The following LRCH1 variants were observed in gnomAD, a reference collection of about 807,000 sequenced individuals.
The protein encoded by LRCH1 is leucine rich repeats and calponin homology domain containing 1, also known as leucine-rich repeat and calponin homology domain-containing protein 1.
LRCH1 carries 23 observed loss-of-function variants against 94.9 expected under a neutral mutation model. The ratio of observed to expected loss-of-function variants is 0.24; its 90% CI spans 0.17 to 0.34. LRCH1 has a LOEUF of 0.34. LRCH1 is among the 10% of genes least tolerant of loss of function. LRCH1 has a pLI of 1.00. For synonymous variants in LRCH1, 364 were observed against 354.9 expected, an observed-to-expected ratio of 1.03 and a Z score of -0.29; for missense variants, 790 against 945.9, an observed-to-expected ratio of 0.84 and a Z score of 2.16.
At chr13:46,575,698 T>C (rs1162988906) in intron 1 of LRCH1, among the ~76,000 whole-genome samples, 1 of 152,178 alleles carries the variant, frequency 6.6e-6, no homozygotes, top group Non-Finnish European at 1.5e-5. Flanking sequence ...GCAAGATCAG[T>C]GTGTGCTCAT....
intron 2 of LRCH1, among the ~76,000 whole-genome samples, chr13:46,667,282 C>T (rs2051529819): frequency 6.6e-6 from 1 of 152,100 alleles, no homozygotes; most frequent in African/African-American, 2.4e-5. Flanking sequence ...AAGGTTCTTT[C>T]CACAGCACAG....
chr13:46,585,636 G>T (rs2050426920), intron 1 of LRCH1, among the ~76,000 whole-genome samples: 1 of 151,354 alleles, frequency 6.6e-6, no homozygotes, highest in African/African-American at 2.4e-5. Context: ...GAAGCTAGTT[G>T]TCCTGAATAT....
intron 2 of LRCH1, among the ~76,000 whole-genome samples, chr13:46,666,715 A>G (rs1255092589): frequency 6.6e-6 from 1 of 152,246 alleles, no homozygotes; most frequent in African/African-American, 2.4e-5. Flanking sequence ...ATATTTTATA[A>G]CCACAAGTTA....
At chr13:46,731,564 A>G (rs957410879) in intron 18 of LRCH1, among the ~76,000 whole-genome samples, 1 of 152,198 alleles carries the variant, frequency 6.6e-6, no homozygotes, top group Non-Finnish European at 1.5e-5. Flanking sequence ...TTTACTGACT[A>G]TAACATATTT....
At chr13:46,591,554 G>A (rs1315760130) in intron 1 of LRCH1, among the ~76,000 whole-genome samples, 1 of 152,224 alleles carries the variant, frequency 6.6e-6, no homozygotes, top group Non-Finnish European at 1.5e-5. Context: ...TTCAGTGAGA[G>A]CTTGAGGGTA....
At chr13:46,739,024 A>C (rs1873524571) in intron 19 of LRCH1, among the ~76,000 whole-genome samples, 1 of 152,234 alleles carries the variant, frequency 6.6e-6, no homozygotes, top group Non-Finnish European at 1.5e-5. Context: ...ATGATATTTT[A>C]GATTAAAAAA....
At chr13:46,623,693 G>GTTTTTTTTTTTTTTTTTTTTTTTTT (rs5803361) in intron 1 of LRCH1, among the ~76,000 whole-genome samples, 28 of 128,468 alleles carry the variant, frequency 2.2e-4, no homozygotes, top group Non-Finnish European at 2.2e-4. Context: ...CCCTGTCTCT[G>GTTTTTTTTTTTTTTTTTTTTTTTTT]TTTTTTTTTT....
chr13:46,726,659 G>A (rs1167799930), intron 17 of LRCH1, among the ~76,000 whole-genome samples: 1 of 152,004 alleles, frequency 6.6e-6, no homozygotes, highest in East Asian at 1.9e-4. Flanking sequence ...ATCCCCACTG[G>A]TCAGTAAGGA....
intron 3 of LRCH1, among the ~76,000 whole-genome samples, chr13:46,674,493 C>G (rs1013062171): frequency 6.6e-6 from 1 of 152,132 alleles, no homozygotes; most frequent in Admixed American, 6.5e-5. Context: ...TGGAGCTGGC[C>G]CCTCCAGGGT....
chr13:46,607,608 C>A (rs2050702122), intron 1 of LRCH1, among the ~76,000 whole-genome samples: 1 of 151,662 alleles, frequency 6.6e-6, no homozygotes, highest in South Asian at 2.1e-4. Context: ...CCTTCTCCTT[C>A]TCCTTCTCTT....
intron 5 of LRCH1, 52 bp downstream of exon 5, chr13:46,686,093 A>C: frequency 7.2e-7 from 1 of 1,392,110 alleles, no homozygotes; most frequent in Non-Finnish European, 9.4e-7. Context: ...CTGTTATAGG[A>C]GCCAAGGGAA....
At chr13:46,607,720 A>G (rs1328981891) in intron 1 of LRCH1, among the ~76,000 whole-genome samples, 2 of 151,598 alleles carry the variant, frequency 1.3e-5, no homozygotes, top group Non-Finnish European at 2.9e-5. Flanking sequence ...AAAGTGTAAT[A>G]TAAAATCTGA....
chr13:46,713,395 A>C (rs1872169319), intron 15 of LRCH1, among the ~76,000 whole-genome samples: 1 of 152,252 alleles, frequency 6.6e-6, no homozygotes, highest in African/African-American at 2.4e-5. Flanking sequence ...TAGAGAACTC[A>C]GATGTTCTTG....
In LRCH1 at chr13:46,656,396, T is replaced by G. The variant is rs548850897; in HGVS notation, c.452+6051T>G. The stretch of plus-strand genomic sequence containing the variant: ...AAACTGGAAAGGAGGAGGAGTTTTG[T>G]TCAATTCGATAAAAATGTGTATCCC... On this transcript the variant is annotated intron_variant, in intron 2 of 19. Coordinates refer to ENST00000389797, the MANE Select transcript of LRCH1 (RefSeq NM_001164211.2). Among the ~76,000 whole-genome samples, 6 of 152,332 alleles carry G rather than the reference T, an allele frequency of 3.9e-5. No individual in the cohort carries two copies. In the East Asian group the frequency reaches 1.2e-3, roughly 29 times the overall value.
rs568737722 is a variant in LRCH1, at chr13:46,623,702, T to G, written c.308-26499T>G. ...TGTGTACCCTGTCTCTGTTTTTTTT[T>G]TTTTTCTTTTTCTTTTTTTTTTATT... On this transcript the variant is annotated intron_variant, in intron 1 of 19. Transcript: ENST00000389797. 1.2e-3 allele frequency among the ~76,000 whole-genome samples: 182 copies of G among 150,522 alleles called. 1 individual carries two copies. The highest frequency in any genetic ancestry group is 4.0e-3 in the African/African-American group (162 of 40,746).
intron 19 of LRCH1, among the ~76,000 whole-genome samples, chr13:46,735,793 CT>C (rs869071310): frequency 3.4e-4 from 8 of 23,564 alleles, no homozygotes; most frequent in African/African-American, 7.2e-4. Context: ...TTTTTCTTTT[CT>C]TTTTTTTTTT....
At chr13:46,575,104 T>C (rs2050288773) in intron 1 of LRCH1, among the ~76,000 whole-genome samples, 1 of 152,170 alleles carries the variant, frequency 6.6e-6, no homozygotes, top group Non-Finnish European at 1.5e-5. Context: ...CATCTTTTAA[T>C]AGGCAGAAAT....
chr13:46,621,089 G>T (rs1051001629), intron 1 of LRCH1, among the ~76,000 whole-genome samples: 1 of 152,198 alleles, frequency 6.6e-6, no homozygotes, highest in East Asian at 1.9e-4. Flanking sequence ...CCCAAAGTAG[G>T]GATGTGTATG....
intron 3 of LRCH1, among the ~76,000 whole-genome samples, chr13:46,677,261 A>G (rs1465666340): frequency 6.8e-6 from 1 of 146,240 alleles, no homozygotes; most frequent in African/African-American, 2.7e-5. Flanking sequence ...AATACAAAAA[A>G]AAAAAAAAAA....
Sources: allele counts gnomAD v4.1 joint callset (sites outside exome capture counted in the v4.1 genomes callset), GRCh38; gene constraint gnomAD v4.1.1; transcripts MANE v1.5; gene names NCBI Gene and HGNC (gene_info 2026-07-23, HGNC 2026-07-21).